Variants in ELFN2 observed in about 807,000 individuals in gnomAD.
ELFN2 encodes extracellular leucine rich repeat and fibronectin type III domain containing 2.
Under a neutral mutation model 45.5 loss-of-function variants are expected in ELFN2, and 17 were observed. That is an observed-to-expected ratio of 0.37 (90% CI 0.26 to 0.56). The LOEUF (loss-of-function observed/expected upper bound fraction) is 0.56. ELFN2 is among the 20% of genes least tolerant of loss of function. The pLI, the probability that ELFN2 is intolerant of heterozygous loss-of-function variation, is 0.77. For synonymous variants in ELFN2, 550 were observed against 551.5 expected, an observed-to-expected ratio of 1.00 and a Z score of 0.04; for missense variants, 922 against 1,183.2, an observed-to-expected ratio of 0.78 and a Z score of 3.24.
intron 2 of ELFN2, among the ~76,000 whole-genome samples, chr22:37,402,429 G>A (rs540081731): frequency 1.2e-4 from 19 of 152,296 alleles, no homozygotes; most frequent in African/African-American, 3.6e-4. Flanking sequence ...CCAGACGTGC[G>A]CCTTGCAGTG....
intron 2 of ELFN2, among the ~76,000 whole-genome samples, chr22:37,379,135 AGAG>A (rs1293752502): frequency 5.3e-5 from 8 of 152,210 alleles, no homozygotes; most frequent in Non-Finnish European, 8.8e-5. Context: ...GCAGACAGAC[AGAG>A]GAGGAGAGAA....
intron 1 of ELFN2, among the ~76,000 whole-genome samples, chr22:37,344,369 A>T (rs1277567932): frequency 6.6e-6 from 1 of 151,590 alleles, no homozygotes; most frequent in African/African-American, 2.4e-5. Context: ...ACAAATCTAC[A>T]TGCGCACATA....
In ELFN2 at chr22:37,373,578, C is replaced by T. The variant is rs754741377; in HGVS notation, c.1957G>A (p.Ala653Thr). 8.2e-5 allele frequency: 132 copies of T among 1,605,456 alleles called. No individual in the cohort carries two copies. The highest frequency in any genetic ancestry group is 1.0e-4 in the Non-Finnish European group (123 of 1,177,380). Residue 653 changes from alanine to threonine, a missense_variant, in exon 3 of 3, where the codon GCC (alanine) becomes ACC (threonine). Ala to Thr is a moderately conservative substitution (Grantham distance 58). Coordinates refer to ENST00000402918, the MANE Select transcript of ELFN2 (RefSeq NM_052906.5). ...GAGTCGCCCTTAGCCAGCCCTGTGG[C>T]GGCCGGATGGTCGGGCACGTCCAGG... is the stretch of plus-strand genomic sequence containing the variant. ...FSLDVPDHPA[A>T]TGLAKGDSKY...
At chr22:37,410,606 C>G (rs923700895) in intron 2 of ELFN2, among the ~76,000 whole-genome samples, 2 of 152,180 alleles carry the variant, frequency 1.3e-5, no homozygotes, top group African/African-American at 4.8e-5. Flanking sequence ...GCCATCAGCC[C>G]CAGCATCAAA....
intron 1 of ELFN2, among the ~76,000 whole-genome samples, chr22:37,424,129 C>A (rs1200481206): frequency 6.6e-6 from 1 of 152,160 alleles, no homozygotes; most frequent in Non-Finnish European, 1.5e-5. Flanking sequence ...GAGAGAGGAG[C>A]TTGGCCCCCA....
At chr22:37,361,481 C>T (rs149640145) in intron 1 of ELFN2, among the ~76,000 whole-genome samples, 7 of 151,960 alleles carry the variant, frequency 4.6e-5, no homozygotes, top group African/African-American at 1.5e-4. Flanking sequence ...CCCGCAGGGT[C>T]GTTCCCTCCT....
intron 1 of ELFN2, among the ~76,000 whole-genome samples, chr22:37,345,302 G>A (rs186132553): frequency 6.6e-6 from 1 of 152,338 alleles, no homozygotes; most frequent in East Asian, 1.9e-4. Flanking sequence ...GCTCTGCAAG[G>A]TGACGCTGGG....
chr22:37,403,399 T>C (rs1284689772), intron 2 of ELFN2, among the ~76,000 whole-genome samples: 3 of 129,364 alleles, frequency 2.3e-5, no homozygotes, highest in South Asian at 2.3e-4. Context: ...GGCGGGGCCA[T>C]GCAAGGCGAG....
chr22:37,422,951 G>GC (rs1454305572), intron 1 of ELFN2, among the ~76,000 whole-genome samples: 2 of 149,636 alleles, frequency 1.3e-5, no homozygotes, highest in African/African-American at 2.5e-5. Flanking sequence ...CTCGGGGGGG[G>GC]GGGGGGAAGT....
chr22:37,373,900 G>A lies in ELFN2; in HGVS notation c.1635C>T (p.Asn545=). 6.2e-7 allele frequency: 1 copy of A among 1,613,454 alleles called. No homozygotes were observed. Among genetic ancestry groups the A allele is most frequent in the Non-Finnish European group, 8.5e-7 (1 of 1,179,972 alleles). ...STIAKEVDKV[N]QIINNCIDAL... ...CATCGATGCAGTTGTTAATGATCTG[G>A]TTGACCTTGTCCACCTCCTTGGCAA... The change falls in exon 3 of 3, where the codon AAC becomes AAT. Residue 545 remains asparagine, a synonymous_variant. Transcript: ENST00000402918.
Position 37,374,747 on chromosome 22 carries a change from G to A in ELFN2, c.788C>T (p.Thr263Ile), listed in dbSNP as rs906790016. The A allele has an allele frequency of 1.2e-6, 2 of 1,611,030 alleles. No homozygotes were observed. ...CTCGTCTGGCTCCCTCTGGGCGTCG[G>A]TGGAGTAGGGCGTGGGGTGGCTCAC... ...RPVSHPTPYS[T>I]DAQREPDENS... The change falls in exon 3 of 3, where the codon ACC (threonine) becomes ATC (isoleucine). Residue 263 changes from threonine (T) to isoleucine (I), a missense_variant. This residue lies in a region of ELFN2 where 358 missense variants were observed against 540.4 expected (regional missense o/e 0.66). Transcript: ENST00000402918.
chr22:37,419,104 AGTG>A (rs1932789274), intron 1 of ELFN2, among the ~76,000 whole-genome samples: 1 of 151,838 alleles, frequency 6.6e-6, no homozygotes, highest in East Asian at 1.9e-4. Context: ...AGACCCACCA[AGTG>A]CTGGCAGCCA....
chr22:37,379,718 G>C (rs570972809), intron 2 of ELFN2, among the ~76,000 whole-genome samples: 34 of 152,304 alleles, frequency 2.2e-4, no homozygotes, highest in African/African-American at 7.5e-4. Context: ...TCTGAGGGCA[G>C]AGCTGGTGGT....
chr22:37,403,462 G>A (rs1275818750), intron 2 of ELFN2, among the ~76,000 whole-genome samples: 3 of 152,158 alleles, frequency 2.0e-5, no homozygotes, highest in Non-Finnish European at 4.4e-5. Context: ...CCTGGTCTGG[G>A]TCCCGGTTGC....
chr22:37,404,708 G>A (rs1244913358), intron 2 of ELFN2, among the ~76,000 whole-genome samples: 1 of 152,176 alleles, frequency 6.6e-6, no homozygotes, highest in African/African-American at 2.4e-5. Context: ...CTGACACCCA[G>A]GCTGGGAGGG....
chr22:37,343,245 G>A (rs1930603727), intron 1 of ELFN2, among the ~76,000 whole-genome samples: 1 of 152,116 alleles, frequency 6.6e-6, no homozygotes, highest in East Asian at 1.9e-4. Context: ...AGTGAGGCAG[G>A]TGGGGGCCCC....
chr22:37,369,471 G>A lies in ELFN2; in HGVS notation c.*3601C>T, dbSNP rs1392846979. 1 of 152,220 alleles carries A rather than the reference G, an allele frequency of 6.6e-6. No individual in the cohort carries two copies. The highest frequency in any genetic ancestry group is 2.4e-5 in the African/African-American group (1 of 41,458). 9.4% of individuals were successfully genotyped at this position (152,220 alleles called of 1,614,324 possible). On this transcript the variant is annotated 3_prime_UTR_variant, in exon 3 of 3. Coordinates refer to ENST00000402918, the MANE Select transcript of ELFN2 (RefSeq NM_052906.5). ...TGCACTGCCTCAGGAGGGGAGCCCA[G>A]GTGAGGGATTCTTTGGTGGGCAGAG...
chr22:37,350,924 C>G (rs75045802), intron 1 of ELFN2, among the ~76,000 whole-genome samples: 1 of 150,480 alleles, frequency 6.6e-6, no homozygotes, highest in South Asian at 2.1e-4. Flanking sequence ...CTCCTTCCCC[C>G]GCCTGGGAGT....
At chr22:37,415,396 C>T (rs1482469434) in intron 2 of ELFN2, among the ~76,000 whole-genome samples, 1 of 152,210 alleles carries the variant, frequency 6.6e-6, no homozygotes, top group Non-Finnish European at 1.5e-5. Flanking sequence ...ACAGGGCTCG[C>T]CTGATGAAAG....
Sources: allele counts gnomAD v4.1 joint callset (sites outside exome capture counted in the v4.1 genomes callset), GRCh38; gene constraint gnomAD v4.1.1; regional missense constraint gnomAD v4.1.1; transcripts MANE v1.5; gene names NCBI Gene and HGNC (gene_info 2026-07-23, HGNC 2026-07-21).